The following ADGRL3 variants were observed in gnomAD, a reference collection of about 807,000 sequenced individuals.
ADGRL3 encodes the protein calcium-independent alpha-latrotoxin receptor 3.
In ADGRL3, 62 loss-of-function variants were observed where a neutral mutation model predicts 153.5. The ratio of observed to expected loss-of-function variants is 0.40; its 90% confidence interval spans 0.33 to 0.50. The LOEUF is 0.50. Ranked by LOEUF, ADGRL3 falls within the 20% of genes least tolerant of loss-of-function variation. ADGRL3 has a pLI of 0.47. For missense variants in ADGRL3, 1,641 were observed against 1,859.4 expected (o/e 0.88, Z 2.16); for synonymous variants, 710 against 672.5 (o/e 1.06, Z -0.86).
intron 1 of ADGRL3, among the ~76,000 whole-genome samples, chr4:61,274,499 C>G (rs2093366143): frequency 6.6e-6 from 1 of 152,190 alleles, no homozygotes; most frequent in Non-Finnish European, 1.5e-5. Flanking sequence ...TTTATACTCT[C>G]AGTATCTAGC....
intron 4 of ADGRL3, among the ~76,000 whole-genome samples, chr4:61,527,404 C>A (rs1449180575): frequency 1.3e-5 from 2 of 152,194 alleles, no homozygotes; most frequent in East Asian, 3.9e-4. Flanking sequence ...AAAGAAACAG[C>A]TATAGCAACA....
At chr4:61,372,302 C>T (rs190410125) in intron 1 of ADGRL3, among the ~76,000 whole-genome samples, 8,003 of 152,088 alleles carry the variant, frequency 0.053, 672 homozygotes, top group African/African-American at 0.18. Context: ...GGAGCAGAGG[C>T]GCTCTGCTTT....
chr4:61,263,428 T>C (rs1007417611), intron 1 of ADGRL3, among the ~76,000 whole-genome samples: 2 of 151,262 alleles, frequency 1.3e-5, no homozygotes, highest in Non-Finnish European at 3.0e-5. Flanking sequence ...GAATGTAAAT[T>C]GTAAAGCAGT....
chr4:61,443,268 A>G (rs2097546345), intron 2 of ADGRL3, among the ~76,000 whole-genome samples: 1 of 152,196 alleles, frequency 6.6e-6, no homozygotes. Flanking sequence ...CTCTATTTTA[A>G]AAAGTTAAAT....
At chr4:61,329,694 A>C (rs1032895) in intron 1 of ADGRL3, among the ~76,000 whole-genome samples, 108,569 of 148,890 alleles carry the variant, frequency 0.73, 39,191 homozygotes, top group East Asian at 0.97. Flanking sequence ...TTTTATAAGA[A>C]AAAAAATATA....
chr4:61,586,100 A>G (rs1398583731), intron 4 of ADGRL3, among the ~76,000 whole-genome samples: 1 of 152,090 alleles, frequency 6.6e-6, no homozygotes, highest in Non-Finnish European at 1.5e-5. Flanking sequence ...AAAGGAATTG[A>G]TAATATTTAG....
intron 2 of ADGRL3, among the ~76,000 whole-genome samples, chr4:61,458,750 A>G (rs2097779756): frequency 6.6e-6 from 1 of 151,542 alleles, no homozygotes. Context: ...TATAGGAAAT[A>G]CATTTTAGGT....
At chr4:61,825,221 C>T (rs1205408059) in intron 9 of ADGRL3, among the ~76,000 whole-genome samples, 2 of 152,272 alleles carry the variant, frequency 1.3e-5, no homozygotes, top group African/African-American at 2.4e-5. Context: ...GCATTTAATC[C>T]TGATATCCCA....
intron 4 of ADGRL3, among the ~76,000 whole-genome samples, chr4:61,550,508 A>G (rs1302829787): frequency 2.0e-5 from 3 of 152,074 alleles, no homozygotes; most frequent in African/African-American, 7.2e-5. Flanking sequence ...GGACATGACA[A>G]TAAAATATTA....
At chr4:61,338,074 G>A (rs2095718653) in intron 1 of ADGRL3, among the ~76,000 whole-genome samples, 2 of 151,874 alleles carry the variant, frequency 1.3e-5, no homozygotes, top group Non-Finnish European at 2.9e-5. Flanking sequence ...AGACCAGCCC[G>A]GTAAACATGG....
intron 1 of ADGRL3, among the ~76,000 whole-genome samples, chr4:61,365,793 C>T (rs187361949): frequency 7.2e-5 from 11 of 152,286 alleles, no homozygotes; most frequent in African/African-American, 2.6e-4. Flanking sequence ...ATCTCTCTCT[C>T]ACTTTCAAAT....
At chr4:61,305,639 G>T (rs768158246) in intron 1 of ADGRL3, among the ~76,000 whole-genome samples, 4 of 152,028 alleles carry the variant, frequency 2.6e-5, no homozygotes, top group African/African-American at 9.7e-5. Flanking sequence ...GACAAAGTCG[G>T]TCCCCCAAAA....
intron 25 of ADGRL3, among the ~76,000 whole-genome samples, chr4:62,054,242 C>T (rs1454613348): frequency 6.6e-6 from 1 of 151,544 alleles, no homozygotes; most frequent in East Asian, 1.9e-4. Flanking sequence ...TCAAAATGTT[C>T]AAGTTAAAAG....
chr4:62,006,572 T>A (rs955490491), intron 21 of ADGRL3, among the ~76,000 whole-genome samples: 32 of 142,836 alleles, frequency 2.2e-4, no homozygotes, highest in African/African-American at 8.4e-4. Flanking sequence ...ATCATCAATG[T>A]ATAGATTTTT....
At chr4:61,775,782 C>G (rs900970473) in intron 8 of ADGRL3, 2 of 782,368 alleles carry the variant, frequency 2.6e-6, no homozygotes, top group Non-Finnish European at 4.7e-6. Flanking sequence ...TGAGGGCAGT[C>G]TTCAGCACCT....
At chr4:61,878,246 A>G (rs1419759549) in intron 9 of ADGRL3, among the ~76,000 whole-genome samples, 1 of 152,186 alleles carries the variant, frequency 6.6e-6, no homozygotes, top group African/African-American at 2.4e-5. Context: ...AGTTACTTTT[A>G]TAAAAGCTCT....
At chr4:61,434,543 CAGAAT>C (rs1185972399) in intron 2 of ADGRL3, among the ~76,000 whole-genome samples, 2 of 151,980 alleles carry the variant, frequency 1.3e-5, no homozygotes, top group Non-Finnish European at 2.9e-5. Flanking sequence ...TTTCTGTAGT[CAGAAT>C]AGATAATGGA....
intron 2 of ADGRL3, among the ~76,000 whole-genome samples, chr4:61,484,678 A>C (rs1464685196): frequency 6.6e-6 from 1 of 152,174 alleles, no homozygotes; most frequent in Non-Finnish European, 1.5e-5. Context: ...TTATTATTTT[A>C]TTCTACTAAG....
At chr4:61,212,848 T>A (rs1250865497) in intron 1 of ADGRL3, among the ~76,000 whole-genome samples, 1 of 152,176 alleles carries the variant, frequency 6.6e-6, no homozygotes, top group East Asian at 1.9e-4. Flanking sequence ...TCAACATTTT[T>A]TTTTATGATT....
Sources: gnomAD v4.1 joint callset for allele counts (sites outside exome capture counted in the v4.1 genomes callset) on GRCh38, gnomAD v4.1.1 for gene constraint, MANE v1.5 for transcripts, NCBI Gene and HGNC (gene_info 2026-07-23, HGNC 2026-07-21) for gene names.